Variants in CD300LG observed in about 807,000 individuals in gnomAD.
CD300LG encodes CMRF35-like molecule 9.
Under a neutral mutation model 31.5 loss-of-function variants are expected in CD300LG, and 29 were observed. The observed-to-expected ratio is 0.92, with a 90% CI of 0.68 to 1.25. The LOEUF is 1.25. Among genes scored for constraint, CD300LG ranks in the 50% most tolerant of loss-of-function variants. CD300LG has a pLI of 0.00. For synonymous variants in CD300LG, 175 were observed against 177.2 expected, an observed-to-expected ratio of 0.99 and a Z score of 0.10; for missense variants, 396 against 417.6, an observed-to-expected ratio of 0.95 and a Z score of 0.45.
chr17:43,848,488 G>A, intron 1 of CD300LG, 70 bp from the exon 2 acceptor site: 1 of 1,246,404 alleles, frequency 8.0e-7, no homozygotes, highest in Non-Finnish European at 1.1e-6. Flanking sequence ...CTCCTAAAAT[G>A]GAAGCTCTGG....
At chr17:43,858,077 C>T (rs1567855679) in intron 6 of CD300LG, 1 of 1,414,828 alleles carries the variant, frequency 7.1e-7, no homozygotes, top group East Asian at 2.6e-5. Context: ...TGCCTCCACT[C>T]CATTCCTTTA....
At chr17:43,855,520 A>G in intron 5 of CD300LG, 1 of 460,990 alleles carries the variant, frequency 2.2e-6, no homozygotes, top group Non-Finnish European at 3.9e-6. Context: ...ACAAGGGGAA[A>G]TGGGAGAATG....
At position 43,848,738 on chromosome 17, in the gene CD300LG, T is replaced by A. The variant is rs753226601; in HGVS notation, c.224T>A (p.Met75Lys). The A allele has an allele frequency of 6.2e-7, 1 of 1,614,064 alleles. No homozygotes were observed. Among genetic ancestry groups the A allele is most frequent in the Non-Finnish European group, 8.5e-7 (1 of 1,180,016 alleles). Residue 75 changes from methionine (M) to lysine (K), a missense_variant, in exon 2 of 7, where the codon ATG becomes AAG. Transcript: ENST00000317310. ...IYAEEEGQET[M>K]KGRVSIRDSR... ...GCAGAAGAAGAAGGCCAGGAGACAA[T>A]GAAGGGCAGGGTGTCCATCCGTGAC... is the stretch of plus-strand genomic sequence containing the variant.
chr17:43,853,792 C>T lies in CD300LG; in HGVS notation c.482-15C>T, dbSNP rs778160205. 31 of 1,605,604 alleles carry T rather than the reference C, an allele frequency of 1.9e-5. No individual in the cohort carries two copies. The African/African-American group carries it at 4.2e-4, about 22-fold the overall frequency. On this transcript the variant is annotated splice_polypyrimidine_tract_variant and intron_variant, in intron 3 of 6. Transcript: ENST00000317310. ...GGTCAGGAAGGATGCTGAGGCATTGCTTTTGGACTTGTAGCTTCTCCTGGG... is the reference window on the plus strand; with the variant it reads ...GGTCAGGAAGGATGCTGAGGCATTGTTTTTGGACTTGTAGCTTCTCCTGGG...
intron 2 of CD300LG, among the ~76,000 whole-genome samples, chr17:43,851,998 T>C (rs549586775): frequency 1.3e-5 from 2 of 152,226 alleles, no homozygotes; most frequent in African/African-American, 4.8e-5. Flanking sequence ...ACCTTGAGCT[T>C]GTGCTGAAGG....
At chr17:43,849,638 A>G (rs771121675) in intron 2 of CD300LG, 2 of 152,276 alleles carry the variant, frequency 1.3e-5, no homozygotes, top group Admixed American at 6.5e-5. Context: ...TGGGCGAGGT[A>G]CATCTTTGTA....
intron 6 of CD300LG, chr17:43,857,583 T>C (rs1465156959): frequency 1.6e-6 from 2 of 1,239,856 alleles, no homozygotes; most frequent in African/African-American, 3.0e-5. Flanking sequence ...CTGTTAGAGA[T>C]GCACTCTCCA....
At position 43,861,948 on chromosome 17, in the gene CD300LG, A is replaced by C; in HGVS notation, c.*37A>C. The C allele has an allele frequency of 6.8e-7, 1 of 1,461,778 alleles. No individual in the cohort carries two copies. Among genetic ancestry groups the C allele is most frequent in the African/African-American group, 1.4e-5 (1 of 71,022 alleles). 90.6% of individuals were successfully genotyped at this position (1,461,778 alleles called of 1,614,324 possible). On this transcript the variant is annotated 3_prime_UTR_variant, in exon 7 of 7. Transcript: ENST00000317310. ...CTCCTGGCCAGGCCAGCAGTGAAGCAGTATGGCTGGCTGGATCAGCACCGA... is the reference window on the plus strand; with the variant it reads ...CTCCTGGCCAGGCCAGCAGTGAAGCCGTATGGCTGGCTGGATCAGCACCGA...
At chr17:43,847,328 TTGAC>T (rs2046211439) in intron 1 of CD300LG, 69 bp downstream of exon 1, 16 of 1,564,746 alleles carry the variant, frequency 1.0e-5, no homozygotes, top group Non-Finnish European at 1.3e-5. Context: ...AAAGGACCTC[TTGAC>T]TGACTGATAG....
At chr17:43,850,215 T>C (rs2046308614) in intron 2 of CD300LG, among the ~76,000 whole-genome samples, 1 of 152,202 alleles carries the variant, frequency 6.6e-6, no homozygotes, top group Non-Finnish European at 1.5e-5. Context: ...TTGTGGTGTT[T>C]TCCAATTTCT....
chr17:43,851,438 CT>C (rs1309831693), intron 2 of CD300LG, among the ~76,000 whole-genome samples: 4 of 152,054 alleles, frequency 2.6e-5, no homozygotes, highest in Non-Finnish European at 4.4e-5. Context: ...TGAAACACTT[CT>C]GTTCCCAAGC....
At chr17:43,847,595 T>C (rs1485763684) in intron 1 of CD300LG, among the ~76,000 whole-genome samples, 1 of 152,194 alleles carries the variant, frequency 6.6e-6, no homozygotes, top group Non-Finnish European at 1.5e-5. Flanking sequence ...CCTGTTAAAC[T>C]CAGCAAATAT....
intron 2 of CD300LG, among the ~76,000 whole-genome samples, chr17:43,851,457 G>C (rs1368065570): frequency 6.6e-6 from 1 of 152,020 alleles, no homozygotes; most frequent in African/African-American, 2.4e-5. Context: ...AGCATTTTTG[G>C]ATAGGGGATA....
chr17:43,847,602 A>G (rs1005828550), intron 1 of CD300LG, among the ~76,000 whole-genome samples: 7 of 152,182 alleles, frequency 4.6e-5, no homozygotes, highest in African/African-American at 1.7e-4. Flanking sequence ...AACTCAGCAA[A>G]TATTTGTTGA....
intron 6 of CD300LG, among the ~76,000 whole-genome samples, chr17:43,859,086 G>A (rs531965306): frequency 8.7e-4 from 133 of 152,308 alleles, no homozygotes; most frequent in African/African-American, 3.2e-3. Context: ...AGGCAGAACT[G>A]GGGAGGCTGA....
At chr17:43,851,771 G>GT (rs2046365641) in intron 2 of CD300LG, among the ~76,000 whole-genome samples, 1 of 151,012 alleles carries the variant, frequency 6.6e-6, no homozygotes, top group East Asian at 1.9e-4. Context: ...TAGCCAGGAT[G>GT]GTCTCGATCT....
intron 2 of CD300LG, among the ~76,000 whole-genome samples, chr17:43,852,069 A>G (rs1378921663): frequency 2.0e-5 from 3 of 152,186 alleles, no homozygotes; most frequent in African/African-American, 7.2e-5. Context: ...GAGGAACAGC[A>G]TGTCCAAGGC....
chr17:43,850,840 G>A (rs1325360533), intron 2 of CD300LG, among the ~76,000 whole-genome samples: 1 of 152,188 alleles, frequency 6.6e-6, no homozygotes, highest in African/African-American at 2.4e-5. Flanking sequence ...AAATATGCAA[G>A]ATTAAGAAGT....
chr17:43,861,928 G>A lies in CD300LG; in HGVS notation c.*17G>A. ...TCAGCGTAGGGCAGGAGGCCCTCCT[G>A]GCCAGGCCAGCAGTGAAGCAGTATG... On this transcript the variant is annotated 3_prime_UTR_variant, in exon 7 of 7. Transcript: ENST00000317310. 1 of 1,567,350 alleles carries A rather than the reference G, an allele frequency of 6.4e-7. No homozygotes were observed. Among genetic ancestry groups the A allele is most frequent in the South Asian group, 1.2e-5 (1 of 86,566 alleles).
Sources: gnomAD v4.1 joint callset for allele counts (sites outside exome capture counted in the v4.1 genomes callset) on GRCh38, gnomAD v4.1.1 for gene constraint, MANE v1.5 for transcripts, NCBI Gene and HGNC (gene_info 2026-07-23, HGNC 2026-07-21) for gene names.